Variants in FSTL4 observed in about 807,000 individuals in gnomAD.
FSTL4 encodes the protein follistatin-related protein 4.
FSTL4 carries 28 observed loss-of-function variants against 78.2 expected under a neutral mutation model. That is an observed-to-expected ratio of 0.36 (90% CI 0.27 to 0.49). FSTL4 has a LOEUF of 0.49. FSTL4 is among the 20% of genes least tolerant of loss of function. The probability of loss-of-function intolerance (pLI) is 0.98; values close to 1 mark genes in which losing one functional copy is unlikely to be tolerated. For missense variants in FSTL4, 922 were observed against 1,084.9 expected (o/e 0.85, Z 2.11); for synonymous variants, 422 against 440.5 (o/e 0.96, Z 0.53).
rs558471492 is a variant in FSTL4, at chr5:133,292,815, G to A, written c.727+19839C>T. Among the ~76,000 whole-genome samples the A allele has an allele frequency of 2.0e-4, 31 of 152,190 alleles. No homozygotes were observed. The East Asian group carries it at 3.7e-3, about 18-fold the overall frequency. Reference sequence around the variant, plus strand: ...AACTCCCAGGGCATTTGATTTAAAGGGACATTGTCATCTTTAATGTTTTCA... The same window carrying A: ...AACTCCCAGGGCATTTGATTTAAAGAGACATTGTCATCTTTAATGTTTTCA... On this transcript the variant is annotated intron_variant, in intron 6 of 15. Transcript: ENST00000265342.
the FSTL4 span, among the ~76,000 whole-genome samples, chr5:133,794,134 C>A: frequency 6.6e-6 from 1 of 150,456 alleles, no homozygotes; most frequent in Admixed American, 6.6e-5. Context: ...AGATGCACTG[C>A]CATTCTGGGC....
chr5:133,733,396 G>A, the FSTL4 span, among the ~76,000 whole-genome samples: 1 of 152,150 alleles, frequency 6.6e-6, no homozygotes, highest in African/African-American at 2.4e-5. Context: ...GGTACCTCCT[G>A]ATATTCATAA....
chr5:133,838,549 C>T, the FSTL4 span, among the ~76,000 whole-genome samples: 1 of 152,168 alleles, frequency 6.6e-6, no homozygotes, highest in Non-Finnish European at 1.5e-5. Context: ...CTGCTTCACT[C>T]GCATGTCTGG....
chr5:133,250,884 A>T (rs2126824183), intron 6 of FSTL4, among the ~76,000 whole-genome samples: 2 of 152,328 alleles, frequency 1.3e-5, no homozygotes, highest in South Asian at 4.1e-4. Context: ...GTGCTGTTGG[A>T]TGGATGGATG....
the FSTL4 span, among the ~76,000 whole-genome samples, chr5:133,688,052 G>A: frequency 9.2e-5 from 14 of 152,336 alleles, no homozygotes; most frequent in East Asian, 3.9e-4. Context: ...CAGCTTGGCC[G>A]GAACTCAGTT....
chr5:133,423,048 C>T (rs1010430297), intron 3 of FSTL4, among the ~76,000 whole-genome samples: 4 of 152,286 alleles, frequency 2.6e-5, no homozygotes, highest in South Asian at 4.1e-4. Flanking sequence ...TCTGAACGGC[C>T]GAGCTCTAGT....
chr5:133,709,995 G>A, the FSTL4 span, among the ~76,000 whole-genome samples: 39,039 of 152,102 alleles, frequency 0.26, 5,940 homozygotes, highest in African/African-American at 0.43. Context: ...AGCCTGAGAT[G>A]TGTCTTTCCA....
the FSTL4 span, among the ~76,000 whole-genome samples, chr5:133,730,122 G>A: frequency 6.6e-6 from 1 of 152,214 alleles, no homozygotes. Flanking sequence ...CCTGGCTGAA[G>A]CAGTCCTTTT....
At chr5:133,603,004 G>C (rs373280113) in intron 2 of FSTL4, among the ~76,000 whole-genome samples, 3 of 152,094 alleles carry the variant, frequency 2.0e-5, no homozygotes, top group African/African-American at 7.2e-5. Flanking sequence ...AAAAGAGAAC[G>C]GCAGGCATCA....
the FSTL4 span, among the ~76,000 whole-genome samples, chr5:133,809,127 A>T: frequency 6.6e-6 from 1 of 151,930 alleles, no homozygotes; most frequent in South Asian, 2.1e-4. Context: ...GCATCTTGGG[A>T]GGCCAAGATG....
chr5:133,342,642 G>A (rs1360513534), intron 4 of FSTL4, among the ~76,000 whole-genome samples: 1 of 152,176 alleles, frequency 6.6e-6, no homozygotes, highest in East Asian at 1.9e-4. Context: ...TGCTGCAGGT[G>A]AGCTGAGCAG....
At chr5:133,641,250 C>A in the FSTL4 span, among the ~76,000 whole-genome samples, 1 of 128,684 alleles carries the variant, frequency 7.8e-6, no homozygotes. Context: ...CAAAACAAAA[C>A]AAAACACACA....
At chr5:133,750,637 C>A in the FSTL4 span, among the ~76,000 whole-genome samples, 1 of 152,164 alleles carries the variant, frequency 6.6e-6, no homozygotes, top group African/African-American at 2.4e-5. Context: ...GAGAAGCCCA[C>A]CTCCAGGGGC....
the FSTL4 span, among the ~76,000 whole-genome samples, chr5:133,829,302 G>A: frequency 6.6e-6 from 1 of 152,120 alleles, no homozygotes; most frequent in South Asian, 2.1e-4. Flanking sequence ...GACTTGCATC[G>A]CTTGAACCGG....
intron 4 of FSTL4, among the ~76,000 whole-genome samples, chr5:133,394,571 G>T (rs1755950678): frequency 1.3e-5 from 2 of 152,240 alleles, no homozygotes; most frequent in Non-Finnish European, 2.9e-5. Context: ...ATTCTCGCCG[G>T]GCCTCAGCTG....
intron 3 of FSTL4, among the ~76,000 whole-genome samples, chr5:133,438,541 A>C (rs949820449): frequency 6.6e-6 from 1 of 152,272 alleles, no homozygotes; most frequent in Admixed American, 6.5e-5. Flanking sequence ...GTAGAGAAAT[A>C]GATACAGGGT....
chr5:133,565,707 C>A (rs542780505), intron 3 of FSTL4, among the ~76,000 whole-genome samples: 1 of 152,182 alleles, frequency 6.6e-6, no homozygotes, highest in Non-Finnish European at 1.5e-5. Flanking sequence ...TTCACTCAGA[C>A]CTTTTTCATG....
the FSTL4 span, among the ~76,000 whole-genome samples, chr5:133,755,371 G>A: frequency 6.6e-6 from 1 of 152,094 alleles, no homozygotes; most frequent in African/African-American, 2.4e-5. Flanking sequence ...GACAATAAAA[G>A]CAGCAATGAA....
At chr5:133,300,926 T>C (rs796725091) in intron 6 of FSTL4, among the ~76,000 whole-genome samples, 15 of 152,296 alleles carry the variant, frequency 9.8e-5, no homozygotes, top group African/African-American at 3.6e-4. Context: ...CCGGAAGCCC[T>C]GAGCTTTGTC....
Sources: allele counts gnomAD v4.1 joint callset (sites outside exome capture counted in the v4.1 genomes callset), GRCh38; gene constraint gnomAD v4.1.1; transcripts MANE v1.5; gene names NCBI Gene and HGNC (gene_info 2026-07-23, HGNC 2026-07-21).